The following COL26A1 variants were observed in gnomAD, a reference collection of about 807,000 sequenced individuals.
COL26A1 encodes collagen alpha-1(XXVI) chain.
In COL26A1, 41 loss-of-function variants were observed where a neutral mutation model predicts 59.3. The ratio of observed to expected loss-of-function variants is 0.69; its 90% CI spans 0.54 to 0.90. COL26A1 has a LOEUF of 0.90. COL26A1 is among the 40% of genes least tolerant of loss of function. The pLI, the probability that COL26A1 is intolerant of heterozygous loss-of-function variation, is 0.00. For synonymous variants in COL26A1, 266 were observed against 256.0 expected (o/e 1.04, Z -0.37); for missense variants, 612 against 602.3 (o/e 1.02, Z -0.17).
At chr7:101,487,639 G>A (rs956867724) in intron 3 of COL26A1, among the ~76,000 whole-genome samples, 10 of 152,144 alleles carry the variant, frequency 6.6e-5, no homozygotes, top group Non-Finnish European at 1.0e-4. Context: ...CTGAGATGCC[G>A]CGCTCCTGTG....
At chr7:101,410,485 GTAGTGAATTAT>G (rs1792218475) in intron 1 of COL26A1, among the ~76,000 whole-genome samples, 2 of 152,176 alleles carry the variant, frequency 1.3e-5, no homozygotes, top group Non-Finnish European at 2.9e-5. Flanking sequence ...GGAGAGGAAG[GTAGTGAATTAT>G]TAGTGACTAC....
chr7:101,369,235 CT>C (rs1791125619), intron 1 of COL26A1, among the ~76,000 whole-genome samples: 1 of 151,728 alleles, frequency 6.6e-6, no homozygotes, highest in Non-Finnish European at 1.5e-5. Context: ...GGTGAAACCC[CT>C]TCTCTACTAA....
intron 1 of COL26A1, among the ~76,000 whole-genome samples, chr7:101,394,433 G>T (rs889235244): frequency 3.3e-5 from 5 of 151,430 alleles, no homozygotes; most frequent in Non-Finnish European, 7.4e-5. Context: ...TAGAGACAGG[G>T]TCTTGCTGTG....
intron 2 of COL26A1, among the ~76,000 whole-genome samples, chr7:101,441,533 G>C (rs938380438): frequency 6.6e-6 from 1 of 152,114 alleles, no homozygotes; most frequent in African/African-American, 2.4e-5. Context: ...GGCCAGGCTG[G>C]TCTCGAACTC....
chr7:101,488,377 T>TATATATATAC (rs1396620345), intron 3 of COL26A1, among the ~76,000 whole-genome samples: 53 of 45,888 alleles, frequency 1.2e-3, no homozygotes, highest in African/African-American at 4.5e-3. Context: ...TATATATATA[T>TATATATATAC]ACACACACAT....
intron 3 of COL26A1, among the ~76,000 whole-genome samples, chr7:101,480,155 A>G (rs1794126001): frequency 6.6e-6 from 1 of 152,088 alleles, no homozygotes; most frequent in Non-Finnish European, 1.5e-5. Flanking sequence ...TCTTTCAGAT[A>G]ATATCCTCAT....
At chr7:101,412,364 G>A (rs1792262111) in intron 1 of COL26A1, among the ~76,000 whole-genome samples, 3 of 152,100 alleles carry the variant, frequency 2.0e-5, no homozygotes. Context: ...TTAAAAGTGG[G>A]GCCGGCACAG....
intron 1 of COL26A1, among the ~76,000 whole-genome samples, chr7:101,395,230 T>A (rs897718279): frequency 1.3e-5 from 2 of 152,130 alleles, no homozygotes; most frequent in African/African-American, 4.8e-5. Context: ...TGTTGTGAGA[T>A]CTCTTCTGAA....
intron 1 of COL26A1, among the ~76,000 whole-genome samples, chr7:101,409,918 G>A (rs888661029): frequency 9.9e-5 from 15 of 152,018 alleles, no homozygotes; most frequent in African/African-American, 3.1e-4. Context: ...CCACCACCAC[G>A]CCCGGCTAAT....
rs188219515 is a variant in COL26A1 at position 101,508,249 on chromosome 7, C to T, written c.386-24833C>T. 1.3e-4 allele frequency among the ~76,000 whole-genome samples: 20 copies of T among 152,270 alleles called. No homozygotes were observed. In the East Asian group the frequency reaches 1.5e-3, roughly 12 times the overall value. On this transcript the variant is annotated intron_variant, in intron 3 of 12. Transcript: ENST00000313669. ...CAAAATTCCTTAACCTGGCCAGGCGCGGTGGCCCATGCCTATAATCCGAAC... is the reference window on the plus strand; with the variant it reads ...CAAAATTCCTTAACCTGGCCAGGCGTGGTGGCCCATGCCTATAATCCGAAC...
chr7:101,545,232 C>T, intron 6 of COL26A1, 106 bp from the exon 7 acceptor site: 1 of 1,064,194 alleles, frequency 9.4e-7, no homozygotes, highest in Non-Finnish European at 1.3e-6. Flanking sequence ...GCCTGTGGGC[C>T]CCTGACCAAC....
chr7:101,555,629 A>G (rs1795956516), intron 11 of COL26A1, among the ~76,000 whole-genome samples, 158 bp from the exon 12 acceptor site: 1 of 151,706 alleles, frequency 6.6e-6, no homozygotes, highest in African/African-American at 2.4e-5. Flanking sequence ...CACATAGTTG[A>G]TGATGTTCAG....
At chr7:101,473,141 A>G (rs1793945298) in intron 3 of COL26A1, among the ~76,000 whole-genome samples, 1 of 150,554 alleles carries the variant, frequency 6.6e-6, no homozygotes. Context: ...GTGCAGTGGC[A>G]CAATCTCTGC....
chr7:101,539,750 C>G, intron 4 of COL26A1, 143 bp from the exon 5 acceptor site: 1 of 792,158 alleles, frequency 1.3e-6, no homozygotes, highest in Non-Finnish European at 1.9e-6. Context: ...GAGTGAGGTT[C>G]TCCCACTAAG....
intron 2 of COL26A1, among the ~76,000 whole-genome samples, chr7:101,422,734 CTGGGCTG>C (rs1792553506): frequency 6.6e-6 from 1 of 152,122 alleles, no homozygotes. Flanking sequence ...CTTCCAATTG[CTGGGCTG>C]AAGTGATCCT....
intron 1 of COL26A1, among the ~76,000 whole-genome samples, chr7:101,392,213 G>A (rs1016643871): frequency 2.6e-5 from 4 of 152,048 alleles, no homozygotes; most frequent in African/African-American, 7.2e-5. Context: ...ACAGGCAGGA[G>A]GGTTACTCCA....
chr7:101,424,057 A>T (rs915871030), intron 2 of COL26A1, among the ~76,000 whole-genome samples: 1 of 151,824 alleles, frequency 6.6e-6, no homozygotes, highest in Non-Finnish European at 1.5e-5. Flanking sequence ...ATTTTTTAAA[A>T]AACATCAGCC....
At chr7:101,553,239 C>A in intron 10 of COL26A1, 87 bp from the exon 11 acceptor site, 1 of 1,231,344 alleles carries the variant, frequency 8.1e-7, no homozygotes, top group Non-Finnish European at 1.2e-6. Flanking sequence ...CTGCCCCTGA[C>A]TCCCTGCAGG....
At chr7:101,532,974 T>G in intron 3 of COL26A1, 108 bp from the exon 4 acceptor site, 5 of 792,572 alleles carry the variant, frequency 6.3e-6, no homozygotes, top group South Asian at 1.5e-5. Flanking sequence ...GCAAAATGAC[T>G]GGAGATTTCT....
Sources: gnomAD v4.1 joint callset for allele counts (sites outside exome capture counted in the v4.1 genomes callset) on GRCh38, gnomAD v4.1.1 for gene constraint, MANE v1.5 for transcripts, NCBI Gene and HGNC (gene_info 2026-07-23, HGNC 2026-07-21) for gene names.